Variants in RORA observed in about 807,000 individuals in gnomAD.
RORA encodes the protein RAR related orphan receptor A, also known as nuclear receptor ROR-alpha.
RORA carries 7 observed loss-of-function variants against 69.5 expected under a neutral mutation model. That is an observed-to-expected ratio of 0.10 (90% confidence interval 0.06 to 0.19). RORA has a LOEUF of 0.19. Ranked by LOEUF, RORA falls within the 10% of genes least tolerant of loss-of-function variation. The pLI, the probability that RORA is intolerant of heterozygous loss-of-function variation, is 1.00. For missense variants in RORA, 457 were observed against 663.0 expected, an observed-to-expected ratio of 0.69 and a Z score of 3.41; for synonymous variants, 261 against 240.8, an observed-to-expected ratio of 1.08 and a Z score of -0.78.
chr15:60,687,279 T>C (rs1323136016), intron 1 of RORA, among the ~76,000 whole-genome samples: 2 of 152,200 alleles, frequency 1.3e-5, no homozygotes, highest in African/African-American at 2.4e-5. Context: ...TTTCCTGATA[T>C]ATAGAATACC....
At chr15:61,082,197 T>C (rs1208055219) in intron 1 of RORA, among the ~76,000 whole-genome samples, 1 of 151,986 alleles carries the variant, frequency 6.6e-6, no homozygotes, top group Non-Finnish European at 1.5e-5. Flanking sequence ...AGATCAAAAA[T>C]ACGGTATTTG....
chr15:61,047,001 G>T (rs138248954), intron 1 of RORA, among the ~76,000 whole-genome samples: 1 of 152,210 alleles, frequency 6.6e-6, no homozygotes, highest in Non-Finnish European at 1.5e-5. Flanking sequence ...GTTCTCAACC[G>T]CTGAGGCAGC....
At chr15:60,847,298 G>T (rs970220671) in intron 1 of RORA, among the ~76,000 whole-genome samples, 1 of 152,070 alleles carries the variant, frequency 6.6e-6, no homozygotes, top group African/African-American at 2.4e-5. Context: ...CAGAGACAGG[G>T]TGTTTCTCGG....
chr15:60,571,181 G>T (rs576436081), intron 2 of RORA, among the ~76,000 whole-genome samples: 1 of 151,322 alleles, frequency 6.6e-6, no homozygotes, highest in Admixed American at 6.6e-5. Flanking sequence ...TAGTAATTTC[G>T]ATGTGCCTCC....
In RORA at chr15:60,824,936, T is replaced by C. The variant is rs184499139; in HGVS notation, c.167-146250A>G. Among the ~76,000 whole-genome samples the C allele has an allele frequency of 1.2e-4, 18 of 152,318 alleles. No individual in the cohort carries two copies. The East Asian group carries it at 3.1e-3, about 26-fold the overall frequency. ...GGAAAAGGTCACAGCAGTGACTTCA[T>C]AATGGAATATAAAATATCATAAAGA... On this transcript the variant is annotated intron_variant, in intron 1 of 10. Coordinates refer to ENST00000335670, the MANE Select transcript of RORA (RefSeq NM_134261.3).
chr15:61,212,221 GCTGT>G (rs1173772891), intron 1 of RORA, among the ~76,000 whole-genome samples: 2 of 150,338 alleles, frequency 1.3e-5, no homozygotes, highest in Admixed American at 6.7e-5. Flanking sequence ...ACAACTCAAT[GCTGT>G]CTGTGTAGAA....
chr15:60,521,483 G>A (rs542000878), intron 3 of RORA, among the ~76,000 whole-genome samples: 4 of 152,058 alleles, frequency 2.6e-5, no homozygotes, highest in South Asian at 2.1e-4. Context: ...CCCGTGATTC[G>A]CCTGCCTCGG....
intron 9 of RORA, 75 bp from the exon 10 acceptor site, chr15:60,500,079 G>A (rs2141259585): frequency 1.1e-6 from 1 of 873,182 alleles, no homozygotes; most frequent in South Asian, 1.6e-5. Flanking sequence ...GGATTCTTTT[G>A]ATACGGATAA....
chr15:60,996,232 A>G (rs1178877657), intron 1 of RORA, among the ~76,000 whole-genome samples: 1 of 152,082 alleles, frequency 6.6e-6, no homozygotes, highest in Non-Finnish European at 1.5e-5. Flanking sequence ...CACCATGCCC[A>G]GCTAATTTTT....
intron 1 of RORA, among the ~76,000 whole-genome samples, chr15:61,057,153 C>T (rs1033961634): frequency 1.1e-4 from 17 of 152,054 alleles, no homozygotes; most frequent in Non-Finnish European, 2.1e-4. Context: ...ACTCGACAGG[C>T]GAAGGGAGAG....
chr15:61,221,314 G>A (rs2080093701), intron 1 of RORA, among the ~76,000 whole-genome samples: 1 of 152,114 alleles, frequency 6.6e-6, no homozygotes, highest in South Asian at 2.1e-4. Flanking sequence ...TTAATAGTCT[G>A]GAATTCTTAA....
At chr15:61,089,801 C>T (rs940016603) in intron 1 of RORA, among the ~76,000 whole-genome samples, 3 of 152,174 alleles carry the variant, frequency 2.0e-5, no homozygotes, top group Admixed American at 2.0e-4. Flanking sequence ...TGTAGCCCAC[C>T]GAGCAGTGAC....
At chr15:61,138,786 C>G (rs1435421538) in intron 1 of RORA, among the ~76,000 whole-genome samples, 1 of 151,780 alleles carries the variant, frequency 6.6e-6, no homozygotes. Flanking sequence ...AAATGCTGGC[C>G]TAAACAGAGA....
At chr15:60,821,560 A>C (rs1335607045) in intron 1 of RORA, among the ~76,000 whole-genome samples, 1 of 152,070 alleles carries the variant, frequency 6.6e-6, no homozygotes, top group Non-Finnish European at 1.5e-5. Flanking sequence ...CACTTTTGTC[A>C]TTTCACATCA....
intron 2 of RORA, among the ~76,000 whole-genome samples, chr15:60,588,146 G>C (rs905776800): frequency 1.3e-5 from 2 of 152,164 alleles, no homozygotes; most frequent in Admixed American, 1.3e-4. Flanking sequence ...ATTCACACCT[G>C]ACTTGTCACT....
At chr15:60,536,775 A>G (rs2066693617) in intron 2 of RORA, among the ~76,000 whole-genome samples, 1 of 152,268 alleles carries the variant, frequency 6.6e-6, no homozygotes, top group East Asian at 1.9e-4. Context: ...TGTCTGTCAT[A>G]CTTATGAATG....
chr15:61,042,919 TG>T lies in RORA; in HGVS notation c.166+186133del, dbSNP rs550247473. Among the ~76,000 whole-genome samples, 681 of 152,304 alleles carry T rather than the reference TG, an allele frequency of 4.5e-3. 5 individuals carry two copies. Among genetic ancestry groups the T allele is most frequent in the Middle Eastern group, 6.8e-3 (2 of 294 alleles). ...TAAAGCAATGCATCAAAGAGTGCAC[TG>T]GGGTATGTGGATAGCAGAGAAACTG... is the stretch of plus-strand genomic sequence containing the variant. On this transcript the variant is annotated intron_variant, in intron 1 of 10. Transcript: ENST00000335670.
At chr15:60,689,148 G>A (rs2070787272) in intron 1 of RORA, among the ~76,000 whole-genome samples, 1 of 152,170 alleles carries the variant, frequency 6.6e-6, no homozygotes, top group African/African-American at 2.4e-5. Flanking sequence ...TTCAATATCT[G>A]TAGGATGGAA....
chr15:61,205,011 T>C (rs2079927908), intron 1 of RORA, among the ~76,000 whole-genome samples: 1 of 152,230 alleles, frequency 6.6e-6, no homozygotes, highest in Admixed American at 6.5e-5. Flanking sequence ...GTTCTCGTGT[T>C]TGGCCTACGC....
Sources: allele counts gnomAD v4.1 joint callset (sites outside exome capture counted in the v4.1 genomes callset), GRCh38; gene constraint gnomAD v4.1.1; transcripts MANE v1.5; gene names NCBI Gene and HGNC (gene_info 2026-07-23, HGNC 2026-07-21).